FUCA2: variants seen among roughly 807,000 people sequenced by gnomAD.
FUCA2 encodes alpha-L-fucosidase 2.
Under a neutral mutation model 52.6 loss-of-function variants are expected in FUCA2, and 41 were observed. The ratio of observed to expected loss-of-function variants is 0.78; its 90% CI spans 0.61 to 1.01. The LOEUF (loss-of-function observed/expected upper bound fraction) is 1.01. Ranked by LOEUF, FUCA2 falls within the 50% of genes least tolerant of loss-of-function variation. The pLI is 0.00. For missense variants in FUCA2, 507 were observed against 569.5 expected (o/e 0.89, Z 1.12); for synonymous variants, 211 against 217.3 (o/e 0.97, Z 0.26).
At position 143,502,064 on chromosome 6, in the gene FUCA2, A is replaced by G. The variant is rs112485854; in HGVS notation, c.1022T>C (p.Leu341Pro). The G allele has an allele frequency of 6.2e-7, 1 of 1,613,734 alleles. No individual in the cohort carries two copies. The highest frequency in any genetic ancestry group is 8.5e-7 in the Non-Finnish European group (1 of 1,179,808). The change falls in exon 5 of 7, where the codon CTA (leucine) becomes CCA (proline). Residue 341 changes from leucine to proline, a missense_variant. Physicochemically the swap from Leu to Pro is moderately conservative, Grantham distance 98. Coordinates refer to ENST00000002165, the MANE Select transcript of FUCA2 (RefSeq NM_032020.5). The surrounding 1 kb of genome is among the most constrained non-coding windows in gnomAD (Gnocchi z 4.1). ...AAAAACTACAGAAATGGTGCCATCT[A>G]GTGTGGGCCCAATATTCATCAAAAG... ...GNLLMNIGPT[L>P]DGTISVVFEE... is the part of the protein sequence containing the mutation.
chr6:143,506,925 T>C (rs752097255), intron 2 of FUCA2: 2 of 294,046 alleles, frequency 6.8e-6, no homozygotes, highest in Non-Finnish European at 1.2e-5. Flanking sequence ...AATTCCAAGA[T>C]GAACTTTGAC....
rs892493401 is a variant in FUCA2 at position 143,499,024 on chromosome 6, G to A, written c.1155-1527C>T. Among the ~76,000 whole-genome samples the A allele has an allele frequency of 3.3e-5, 5 of 152,306 alleles. No individual in the cohort carries two copies. The East Asian group carries it at 7.7e-4, about 24-fold the overall frequency. On this transcript the variant is annotated intron_variant, in intron 5 of 6. Transcript: ENST00000002165. The surrounding 1 kb of genome is among the most constrained non-coding windows in gnomAD (Gnocchi z 6.0). The stretch of plus-strand genomic sequence containing the variant: ...GTTTTGGGCTTGACAACCACCTAAA[G>A]GATGAAGCTGCCGTTAACTGAGATG...
At position 143,507,398 on chromosome 6, in the gene FUCA2, G is replaced by A. The variant is rs572351835; in HGVS notation, c.251C>T (p.Pro84Leu). The change falls in exon 2 of 7, where the codon CCG (proline) becomes CTG (leucine). Residue 84 changes from proline (P) to leucine (L), a missense_variant. Coordinates refer to ENST00000002165, the MANE Select transcript of FUCA2 (RefSeq NM_032020.5). This position sits in a 1 kb window ranked among gnomAD's most constrained non-coding sequence, Gnocchi z 4.5. ...ATCTTTCATAAATTCCACATACTTC[G>A]GTATCTTTTCCTTTTGCCAATACCA... ...FWWYWQKEKI[P>L]KYVEFMKDNY... 9.4e-5 allele frequency: 151 copies of A among 1,600,780 alleles called. No individual in the cohort carries two copies. Among genetic ancestry groups the A allele is most frequent in the African/African-American group, 1.5e-4 (11 of 73,828 alleles).
In FUCA2 at chr6:143,511,567, G is replaced by A. The variant is rs1009834479; in HGVS notation, c.68C>T (p.Pro23Leu). 5 of 1,563,540 alleles carry A rather than the reference G, an allele frequency of 3.2e-6. No homozygotes were observed. Among genetic ancestry groups the A allele is most frequent in the Admixed American group, 1.9e-5 (1 of 52,546 alleles). ...LLLLLLLLLP[P>L]PPCPAHSATR... ...GGCGCTGTGGGCAGGGCACGGCGGCGGCGGCAGCAGCAGCAACAGCAACAG... is the reference window on the plus strand; with the variant it reads ...GGCGCTGTGGGCAGGGCACGGCGGCAGCGGCAGCAGCAGCAACAGCAACAG... Residue 23 changes from proline to leucine, a missense_variant, in exon 1 of 7, where the codon CCG becomes CTG. Pro to Leu is a moderately conservative substitution (Grantham distance 98, BLOSUM62 -3). Transcript: ENST00000002165. This position sits in a 1 kb window ranked among gnomAD's most constrained non-coding sequence, Gnocchi z 6.3.
At position 143,504,265 on chromosome 6, in the gene FUCA2, A is replaced by T. The variant is rs1471586254; in HGVS notation, c.413-13T>A. 2 of 1,593,656 alleles carry T rather than the reference A, an allele frequency of 1.3e-6. No homozygotes were observed. The highest frequency in any genetic ancestry group is 3.6e-5 in the Admixed American group (2 of 55,976). The stretch of plus-strand genomic sequence containing the variant: ...CACAAGGTAAAGCCTAGAAAATTAT[A>T]GTGAAAACCCTTGTAAGCATGTCAA... On this transcript the variant is annotated splice_polypyrimidine_tract_variant and intron_variant, in intron 2 of 6. Coordinates refer to ENST00000002165, the MANE Select transcript of FUCA2 (RefSeq NM_032020.5). This position sits in a 1 kb window ranked among gnomAD's most constrained non-coding sequence, Gnocchi z 4.4.
Position 143,500,020 on chromosome 6 carries a change from G to A in FUCA2, c.1154+1912C>T, listed in dbSNP as rs1304027594. 6.6e-6 allele frequency among the ~76,000 whole-genome samples: 1 copy of A among 152,030 alleles called. No homozygotes were observed. Among genetic ancestry groups the A allele is most frequent in the African/African-American group, 2.4e-5 (1 of 41,368 alleles). On this transcript the variant is annotated intron_variant, in intron 5 of 6. Transcript: ENST00000002165. This position sits in a 1 kb window ranked among gnomAD's most constrained non-coding sequence, Gnocchi z 6.9. Reference sequence around the variant, plus strand: ...AAGGGTTGACCTTAAAGCCAAAAGTGAGATAATTTTACATTGTATGTGTCT... The same window carrying A: ...AAGGGTTGACCTTAAAGCCAAAAGTAAGATAATTTTACATTGTATGTGTCT...
At position 143,509,015 on chromosome 6, in the gene FUCA2, G is replaced by T. The variant is rs1780647988; in HGVS notation, c.225-1591C>A. 6.6e-6 allele frequency among the ~76,000 whole-genome samples: 1 copy of T among 152,110 alleles called. No homozygotes were observed. Among genetic ancestry groups the T allele is most frequent in the Non-Finnish European group, 1.5e-5 (1 of 68,038 alleles). On this transcript the variant is annotated intron_variant, in intron 1 of 6. Coordinates refer to ENST00000002165, the MANE Select transcript of FUCA2 (RefSeq NM_032020.5). This position sits in a 1 kb window ranked among gnomAD's most constrained non-coding sequence, Gnocchi z 5.4. The stretch of plus-strand genomic sequence containing the variant: ...AGCGATCGTCCCACCTCACCCTCCT[G>T]AGTATCTGGGACTACGGGCATTACA...
chr6:143,503,554 CA>C lies in FUCA2; in HGVS notation c.752+358del, dbSNP rs1233919290. On this transcript the variant is annotated intron_variant, in intron 3 of 6. Coordinates refer to ENST00000002165, the MANE Select transcript of FUCA2 (RefSeq NM_032020.5). The surrounding 1 kb of genome is among the most constrained non-coding windows in gnomAD (Gnocchi z 4.8). Reference sequence around the variant, plus strand: ...AGAAGCAGTCTGCGGGATTCAGAAGCAAATAGTCAGAAATAGTGATGAAGAA... The same window carrying C: ...AGAAGCAGTCTGCGGGATTCAGAAGCAATAGTCAGAAATAGTGATGAAGAA... 5.9e-6 allele frequency: 1 copy of C among 168,526 alleles called. No homozygotes were observed. The highest frequency in any genetic ancestry group is 2.4e-5 in the African/African-American group (1 of 41,986). 10.4% of individuals were successfully genotyped at this position (168,526 alleles called of 1,614,324 possible). A position where few individuals can be genotyped will look rare whatever the true frequency, so the allele number is the denominator to read the frequency against.
At position 143,497,591 on chromosome 6, in the gene FUCA2, A is replaced by C. The variant is rs1411546318; in HGVS notation, c.1155-94T>G. 9 of 661,676 alleles carry C rather than the reference A, an allele frequency of 1.4e-5. No homozygotes were observed. Among genetic ancestry groups the C allele is most frequent in the Non-Finnish European group, 5.2e-6 (2 of 387,996 alleles). The allele number at this position is 661,676 out of a possible 1,614,324, so 41.0% of individuals were successfully genotyped here. On this transcript the variant is annotated intron_variant, in intron 5 of 6. Transcript: ENST00000002165. The surrounding 1 kb of genome is among the most constrained non-coding windows in gnomAD (Gnocchi z 5.3). The stretch of plus-strand genomic sequence containing the variant: ...CAGGAACAATCTGGAATTATTTTAC[A>C]GATACTTCCACAATGTCACCACTAA...
intron 5 of FUCA2, among the ~76,000 whole-genome samples, chr6:143,498,690 A>G (rs1184970828): frequency 6.6e-6 from 1 of 152,146 alleles, no homozygotes; most frequent in Non-Finnish European, 1.5e-5. Context: ...GTAAGCATCT[A>G]TGGGACCTGG....
At position 143,499,648 on chromosome 6, in the gene FUCA2, C is replaced by T. The variant is rs140740925; in HGVS notation, c.1155-2151G>A. ...ACTAAGAAGGAAGAGCCAAAAGGTA[C>T]GACAAACACCAGGAGAGACAGTGAT... On this transcript the variant is annotated intron_variant, in intron 5 of 6. Coordinates refer to ENST00000002165, the MANE Select transcript of FUCA2 (RefSeq NM_032020.5). The surrounding 1 kb of genome is among the most constrained non-coding windows in gnomAD (Gnocchi z 6.0). 4.5e-3 allele frequency among the ~76,000 whole-genome samples: 684 copies of T among 152,184 alleles called. 7 individuals are homozygous for T. Among genetic ancestry groups the T allele is most frequent in the African/African-American group, 0.014 (593 of 41,520 alleles).
chr6:143,495,985 C>G lies in FUCA2; in HGVS notation c.1264-138G>C. 1 of 775,462 alleles carries G rather than the reference C, an allele frequency of 1.3e-6. No homozygotes were observed. Among genetic ancestry groups the G allele is most frequent in the Non-Finnish European group, 2.1e-6 (1 of 483,460 alleles). The allele number at this position is 775,462 out of a possible 1,614,324, so 48.0% of individuals were successfully genotyped here. A position where few individuals can be genotyped will look rare whatever the true frequency, so the allele number is the denominator to read the frequency against. ...ATTTTTACCTTTATTTAGTGATTCA[C>G]AATCACTCTTCATCCAATTGAGTGT... On this transcript the variant is annotated intron_variant, in intron 6 of 6. Transcript: ENST00000002165. The surrounding 1 kb of genome is among the most constrained non-coding windows in gnomAD (Gnocchi z 5.2).
intron 1 of FUCA2, among the ~76,000 whole-genome samples, chr6:143,508,835 C>G (rs1217845746): frequency 6.6e-6 from 1 of 152,100 alleles, no homozygotes. Flanking sequence ...TATCATTATA[C>G]CTTTTAGTTG....
In FUCA2 at chr6:143,497,553, A is replaced by C; in HGVS notation, c.1155-56T>G. ...TAGCAAGTTACATCCCATGTTTCTC[A>C]CTATTTATGGATCAGGAACAATCTG... On this transcript the variant is annotated intron_variant, in intron 5 of 6. Coordinates refer to ENST00000002165, the MANE Select transcript of FUCA2 (RefSeq NM_032020.5). The surrounding 1 kb of genome is among the most constrained non-coding windows in gnomAD (Gnocchi z 5.3). 7.8e-6 allele frequency: 7 copies of C among 898,334 alleles called. No homozygotes were observed. The highest frequency in any genetic ancestry group is 1.1e-5 in the Non-Finnish European group (6 of 555,534). The allele number at this position is 898,334 out of a possible 1,614,324, so 55.6% of individuals were successfully genotyped here.
At position 143,504,360 on chromosome 6, in the gene FUCA2, A is replaced by G; in HGVS notation, c.413-108T>C. On this transcript the variant is annotated intron_variant, in intron 2 of 6. Transcript: ENST00000002165. The surrounding 1 kb of genome is among the most constrained non-coding windows in gnomAD (Gnocchi z 4.4). ...CACATAGTACATGCGATATATAAAT[A>G]CCTGCTCCTACAAATGACTGTTTTA... 1 of 873,742 alleles carries G rather than the reference A, an allele frequency of 1.1e-6. No individual in the cohort carries two copies. Among genetic ancestry groups the G allele is most frequent in the South Asian group, 1.7e-5 (1 of 57,632 alleles). 54.1% of individuals were successfully genotyped at this position (873,742 alleles called of 1,614,324 possible). A position where few individuals can be genotyped will look rare whatever the true frequency, so the allele number is the denominator to read the frequency against.
In FUCA2 at chr6:143,504,010, T is replaced by C. The variant is rs1439386255; in HGVS notation, c.655A>G (p.Asn219Asp). The C allele has an allele frequency of 9.9e-6, 16 of 1,614,202 alleles. No homozygotes were observed. Among genetic ancestry groups the C allele is most frequent in the African/African-American group, 1.3e-5 (1 of 75,064 alleles). ...GACCACAGAACCTCAGGCTGATAGT[T>C]GTTCACTAACTCATAGAGCTCTGGC... ...TLPELYELVN[N>D]YQPEVLWSDG... Residue 219 changes from asparagine (N) to aspartate (D), a missense_variant, in exon 3 of 7, where the codon AAC becomes GAC. Asn to Asp is a conservative substitution (Grantham distance 23). Transcript: ENST00000002165. The surrounding 1 kb of genome is among the most constrained non-coding windows in gnomAD (Gnocchi z 4.4).
At position 143,511,529 on chromosome 6, in the gene FUCA2, G is replaced by A. The variant is rs1375083147; in HGVS notation, c.106C>T (p.Pro36Ser). Residue 36 changes from proline (P) to serine (S), a missense_variant, in exon 1 of 7, where the codon CCC (proline) becomes TCC (serine). Coordinates refer to ENST00000002165, the MANE Select transcript of FUCA2 (RefSeq NM_032020.5). The surrounding 1 kb of genome is among the most constrained non-coding windows in gnomAD (Gnocchi z 6.3). ...CGGGCGTCCAGGGACTCCCAGGTGG[G>A]GTCGAAGCGCGTGGCGCTGTGGGCA... ...CPAHSATRFD[P>S]TWESLDARQL... 6.3e-7 allele frequency: 1 copy of A among 1,587,990 alleles called. No homozygotes were observed. The highest frequency in any genetic ancestry group is 1.1e-5 in the South Asian group (1 of 87,744).
In FUCA2 at chr6:143,507,677, CTCTT is replaced by C. The variant is rs1780627170; in HGVS notation, c.225-257_225-254del. On this transcript the variant is annotated intron_variant, in intron 1 of 6. Coordinates refer to ENST00000002165, the MANE Select transcript of FUCA2 (RefSeq NM_032020.5). The surrounding 1 kb of genome is among the most constrained non-coding windows in gnomAD (Gnocchi z 4.5). ...TCTAGGCAACTCAGCTACCCATTCT[CTCTT>C]TTTTTTAAGACAGGGTCTCACTCTG... 6.6e-6 allele frequency among the ~76,000 whole-genome samples: 1 copy of C among 152,080 alleles called. No individual in the cohort carries two copies. Among genetic ancestry groups the C allele is most frequent in the Admixed American group, 6.5e-5 (1 of 15,270 alleles).
intron 1 of FUCA2, among the ~76,000 whole-genome samples, chr6:143,508,047 G>A (rs907768723): frequency 6.6e-6 from 1 of 152,194 alleles, no homozygotes; most frequent in Non-Finnish European, 1.5e-5. Flanking sequence ...TAACATAAGT[G>A]ATTAGGGCTT....
Sources: allele counts gnomAD v4.1 joint callset (sites outside exome capture counted in the v4.1 genomes callset), GRCh38; gene constraint gnomAD v4.1.1; non-coding constraint Gnocchi (gnomAD v3.1); transcripts MANE v1.5; gene names NCBI Gene and HGNC (gene_info 2026-07-23, HGNC 2026-07-21).